CCDC175: variants seen among roughly 807,000 people sequenced by gnomAD.
CCDC175 encodes coiled-coil domain-containing protein 175.
A neutral mutation model predicts 114.6 loss-of-function variants in CCDC175; 100 were observed. That is an observed-to-expected ratio of 0.87 (90% CI 0.74 to 1.03). The LOEUF (loss-of-function observed/expected upper bound fraction) is 1.03. Ranked by LOEUF, CCDC175 falls within the 50% of genes least tolerant of loss-of-function variation. CCDC175 has a pLI of 0.00. For synonymous variants in CCDC175, 306 were observed against 308.7 expected (o/e 0.99, Z 0.09); for missense variants, 880 against 917.8 (o/e 0.96, Z 0.53).
chr14:59,507,505 G>T (rs759712559), intron 19 of CCDC175, among the ~76,000 whole-genome samples: 2 of 152,162 alleles, frequency 1.3e-5, no homozygotes, highest in Admixed American at 1.3e-4. Flanking sequence ...GGACCTGCAG[G>T]GCTGCAGTGA....
At chr14:59,515,211 C>T (rs866024445) in intron 17 of CCDC175, among the ~76,000 whole-genome samples, 6 of 152,166 alleles carry the variant, frequency 3.9e-5, no homozygotes, top group African/African-American at 9.7e-5. Flanking sequence ...ACTGAAAAAG[C>T]ATGCCAAATT....
chr14:59,540,838 C>CTA, intron 10 of CCDC175, 92 bp from the exon 11 acceptor site: 1 of 1,079,252 alleles, frequency 9.3e-7, no homozygotes, highest in Non-Finnish European at 1.3e-6. Flanking sequence ...CTCAGTAAGG[C>CTA]TATAGTCTAA....
intron 17 of CCDC175, among the ~76,000 whole-genome samples, chr14:59,514,811 G>C (rs954431075): frequency 2.0e-5 from 3 of 152,140 alleles, no homozygotes; most frequent in Admixed American, 2.0e-4. Flanking sequence ...AGGAAATACA[G>C]AGAATGCCAC....
chr14:59,531,662 G>C, intron 14 of CCDC175, 110 bp downstream of exon 14: 1 of 734,336 alleles, frequency 1.4e-6, no homozygotes. Flanking sequence ...AATGGGGAAA[G>C]TTTGGTGAGT....
chr14:59,524,395 A>G (rs897211927), intron 16 of CCDC175, among the ~76,000 whole-genome samples: 1 of 152,230 alleles, frequency 6.6e-6, no homozygotes, highest in Non-Finnish European at 1.5e-5. Flanking sequence ...TATAATCAGT[A>G]TGAAATAGAC....
chr14:59,548,240 T>TA (rs986237699), intron 8 of CCDC175, among the ~76,000 whole-genome samples: 7 of 150,922 alleles, frequency 4.6e-5, no homozygotes, highest in African/African-American at 7.3e-5. Context: ...ACGCAAAATC[T>TA]AAAAAAAAAC....
intron 15 of CCDC175, among the ~76,000 whole-genome samples, chr14:59,526,011 A>G (rs1442324714): frequency 6.6e-6 from 1 of 152,166 alleles, no homozygotes; most frequent in Non-Finnish European, 1.5e-5. Flanking sequence ...TTTGATATAT[A>G]AACAATTGTC....
In CCDC175 at chr14:59,538,170, T is replaced by G; in HGVS notation, c.1492-16A>C. 6.5e-7 allele frequency: 1 copy of G among 1,526,936 alleles called. No individual in the cohort carries two copies. The highest frequency in any genetic ancestry group is 8.8e-7 in the Non-Finnish European group (1 of 1,142,168). 94.6% of individuals were successfully genotyped at this position (1,526,936 alleles called of 1,614,324 possible). ...TGAAACTGGTCTAATTAGAGAAAAA[T>G]AAGAATTTGTCATTTCTCTTGTAGT... is the stretch of plus-strand genomic sequence containing the variant. On this transcript the variant is annotated splice_polypyrimidine_tract_variant and intron_variant, in intron 12 of 19. Coordinates refer to ENST00000537690, the MANE Select transcript of CCDC175 (RefSeq NM_001164399.2).
intron 6 of CCDC175, 44 bp from the exon 7 acceptor site, chr14:59,561,272 G>C: frequency 9.5e-7 from 1 of 1,054,452 alleles, no homozygotes; most frequent in Non-Finnish European, 1.4e-6. Context: ...TCATCACCAA[G>C]TGATTCATAA....
At chr14:59,525,573 A>T in intron 15 of CCDC175, 139 bp from the exon 16 acceptor site, 2 of 554,328 alleles carry the variant, frequency 3.6e-6, no homozygotes, top group South Asian at 6.3e-5. Flanking sequence ...ATTCTTCCTT[A>T]GAAAAACCTA....
intron 2 of CCDC175, among the ~76,000 whole-genome samples, chr14:59,573,257 G>T (rs889397216): frequency 6.6e-6 from 1 of 152,102 alleles, no homozygotes; most frequent in Non-Finnish European, 1.5e-5. Flanking sequence ...TTTAGCTGAG[G>T]CTACTTTAAG....
At chr14:59,506,283 TTTTTTTTC>T (rs1048257254) in intron 19 of CCDC175, among the ~76,000 whole-genome samples, 7 of 151,350 alleles carry the variant, frequency 4.6e-5, no homozygotes, top group African/African-American at 1.7e-4. Flanking sequence ...GGATTTTTTT[TTTTTTTTC>T]TTTTTTTTTT....
chr14:59,572,637 G>T, intron 3 of CCDC175, 65 bp downstream of exon 3: 2 of 859,526 alleles, frequency 2.3e-6, no homozygotes, highest in Non-Finnish European at 3.5e-6. Context: ...AACTTATCTT[G>T]TTGAAAGTAC....
chr14:59,526,916 A>T (rs1893775079), intron 15 of CCDC175, among the ~76,000 whole-genome samples, 179 bp downstream of exon 15: 1 of 152,224 alleles, frequency 6.6e-6, no homozygotes, highest in African/African-American at 2.4e-5. Flanking sequence ...GTACAGGTGT[A>T]TGTGTATACA....
chr14:59,513,566 T>C (rs1267730400), intron 17 of CCDC175, among the ~76,000 whole-genome samples: 2 of 152,148 alleles, frequency 1.3e-5, no homozygotes, highest in African/African-American at 2.4e-5. Flanking sequence ...GCCTCACTCA[T>C]TGCTAGCACA....
chr14:59,527,126 G>T lies in CCDC175; in HGVS notation c.1811C>A (p.Thr604Lys). The T allele has an allele frequency of 6.7e-7, 1 of 1,493,816 alleles. No homozygotes were observed. The allele number at this position is 1,493,816 out of a possible 1,614,324, so 92.5% of individuals were successfully genotyped here. The part of the protein sequence containing the change: ...DLLNNHIFLF[T>K]RDFSRYISNM... ...GCTAATGTATCTTGAAAAGTCCCTT[G>T]TAAACAGAAAAATGTGATTGTTCAG... Residue 604 changes from threonine to lysine, a missense_variant, in exon 15 of 20, where the codon ACA (threonine) becomes AAA (lysine). Transcript: ENST00000537690.
At chr14:59,568,787 T>A (rs1214355481) in intron 3 of CCDC175, among the ~76,000 whole-genome samples, 1 of 152,170 alleles carries the variant, frequency 6.6e-6, no homozygotes, top group Non-Finnish European at 1.5e-5. Flanking sequence ...TGCATAAATA[T>A]TTCTCCCTCT....
At chr14:59,532,048 T>C (rs555454820) in intron 13 of CCDC175, 138 bp from the exon 14 acceptor site, 33 of 557,232 alleles carry the variant, frequency 5.9e-5, no homozygotes, top group Admixed American at 1.1e-4. Flanking sequence ...GAAAGACATA[T>C]GGCATATACT....
intron 3 of CCDC175, among the ~76,000 whole-genome samples, chr14:59,569,230 A>AT (rs929685793): frequency 4.6e-5 from 7 of 152,120 alleles, no homozygotes; most frequent in African/African-American, 1.4e-4. Context: ...GAGCTAGGAC[A>AT]TTTTTTTTCT....
Sources: gnomAD v4.1 joint callset for allele counts (sites outside exome capture counted in the v4.1 genomes callset) on GRCh38, gnomAD v4.1.1 for gene constraint, MANE v1.5 for transcripts, NCBI Gene and HGNC (gene_info 2026-07-23, HGNC 2026-07-21) for gene names.